ADIPOR2: variants seen among roughly 807,000 people sequenced by gnomAD.
The protein encoded by ADIPOR2 is adiponectin receptor 2, also known as adiponectin receptor protein 2.
ADIPOR2 carries 18 observed loss-of-function variants against 40.9 expected under a neutral mutation model. The ratio of observed to expected loss-of-function variants is 0.44; its 90% CI spans 0.30 to 0.65. The LOEUF is 0.65. ADIPOR2 is among the 30% of genes least tolerant of loss of function. The pLI is 0.09. For missense variants in ADIPOR2, 283 were observed against 479.2 expected (o/e 0.59, Z 3.82); for synonymous variants, 165 against 166.4 (o/e 0.99, Z 0.06).
intron 3 of ADIPOR2, among the ~76,000 whole-genome samples, chr12:1,775,194 G>A (rs1204803642): frequency 1.3e-5 from 2 of 152,312 alleles, no homozygotes; most frequent in East Asian, 3.9e-4. Flanking sequence ...ATACCCAGTG[G>A]ATTATTACTA....
At chr12:1,769,731 A>C (rs1862457844) in intron 2 of ADIPOR2, among the ~76,000 whole-genome samples, 1 of 152,076 alleles carries the variant, frequency 6.6e-6, no homozygotes, top group African/African-American at 2.4e-5. Flanking sequence ...TAGTAGAGAC[A>C]GGGTTTCACC....
intron 1 of ADIPOR2, among the ~76,000 whole-genome samples, chr12:1,692,834 C>G (rs1420003152): frequency 6.6e-6 from 1 of 152,012 alleles, no homozygotes; most frequent in Non-Finnish European, 1.5e-5. Flanking sequence ...CAGGCCCAGT[C>G]CTGCCAGTTG....
chr12:1,715,620 T>C (rs968590769), intron 1 of ADIPOR2, among the ~76,000 whole-genome samples: 16 of 152,150 alleles, frequency 1.1e-4, no homozygotes, highest in African/African-American at 3.9e-4. Flanking sequence ...TCTTTACCCC[T>C]ATCCAGCAGG....
intron 3 of ADIPOR2, among the ~76,000 whole-genome samples, chr12:1,774,812 C>G (rs1233222654): frequency 6.6e-6 from 1 of 152,258 alleles, no homozygotes; most frequent in African/African-American, 2.4e-5. Flanking sequence ...TCAAGTGATT[C>G]TCCTGCCTCA....
At chr12:1,719,172 T>C (rs1267726659) in intron 1 of ADIPOR2, among the ~76,000 whole-genome samples, 1 of 152,126 alleles carries the variant, frequency 6.6e-6, no homozygotes, top group Non-Finnish European at 1.5e-5. Flanking sequence ...TTTTTGAGAC[T>C]TTTCTACTCA....
At position 1,748,209 on chromosome 12, in the gene ADIPOR2, G is replaced by A. The variant is rs534517443; in HGVS notation, c.-86-6049G>A. Among the ~76,000 whole-genome samples the A allele has an allele frequency of 5.9e-5, 9 of 151,872 alleles. No individual in the cohort carries two copies. In the East Asian group the frequency reaches 1.5e-3, roughly 26 times the overall value. On this transcript the variant is annotated intron_variant, in intron 1 of 7. Coordinates refer to ENST00000357103, the MANE Select transcript of ADIPOR2 (RefSeq NM_024551.3). ...TACATCTCTTCATTGATCTCTATCT[G>A]AGGTGATATTGTCATTATGCTTTCC... is the stretch of plus-strand genomic sequence containing the variant.
intron 1 of ADIPOR2, among the ~76,000 whole-genome samples, chr12:1,703,440 T>C (rs1159832624): frequency 4.6e-5 from 7 of 152,102 alleles, no homozygotes; most frequent in African/African-American, 1.7e-4. Flanking sequence ...TAAAAAACAA[T>C]TTAAAAGAAA....
intron 1 of ADIPOR2, among the ~76,000 whole-genome samples, chr12:1,694,999 C>G (rs1316293037): frequency 2.1e-5 from 3 of 141,276 alleles, no homozygotes; most frequent in Non-Finnish European, 4.6e-5. Flanking sequence ...AGGGCTTATT[C>G]TTTGTGTTGC....
chr12:1,740,073 G>A (rs2094739314), intron 1 of ADIPOR2, among the ~76,000 whole-genome samples: 1 of 152,092 alleles, frequency 6.6e-6, no homozygotes, highest in Non-Finnish European at 1.5e-5. Context: ...TTGTACTCCA[G>A]CCTGGGCGAC....
At chr12:1,703,663 G>T (rs1298488449) in intron 1 of ADIPOR2, among the ~76,000 whole-genome samples, 3 of 151,996 alleles carry the variant, frequency 2.0e-5, no homozygotes, top group Non-Finnish European at 4.4e-5. Flanking sequence ...GCTGCAGTGA[G>T]CTGTGATTGA....
chr12:1,737,680 T>A (rs1164315174), intron 1 of ADIPOR2, among the ~76,000 whole-genome samples: 1 of 152,092 alleles, frequency 6.6e-6, no homozygotes, highest in Admixed American at 6.6e-5. Context: ...CCTCCTGGGT[T>A]CGAGCAATTC....
chr12:1,782,775 G>A (rs941487448), intron 6 of ADIPOR2, among the ~76,000 whole-genome samples: 2 of 152,078 alleles, frequency 1.3e-5, no homozygotes, highest in African/African-American at 4.8e-5. Flanking sequence ...CAGTAGGGCT[G>A]TGGCTGAGTG....
chr12:1,761,752 C>G (rs1047436869), intron 2 of ADIPOR2, among the ~76,000 whole-genome samples: 3 of 152,188 alleles, frequency 2.0e-5, no homozygotes, highest in African/African-American at 7.2e-5. Context: ...ATCTGTTCTG[C>G]CATTACTTTA....
chr12:1,759,095 A>AG (rs5795980), intron 2 of ADIPOR2, among the ~76,000 whole-genome samples: 148,316 of 152,294 alleles, frequency 0.97, 72,346 homozygotes, highest in East Asian at 1. Flanking sequence ...GTTTATATTG[A>AG]CCTAGAGGTT....
At chr12:1,758,256 C>G (rs1325421371) in intron 2 of ADIPOR2, among the ~76,000 whole-genome samples, 1 of 152,134 alleles carries the variant, frequency 6.6e-6, no homozygotes, top group East Asian at 1.9e-4. Context: ...ATTTATTGCC[C>G]TGAAAGCCTC....
intron 1 of ADIPOR2, among the ~76,000 whole-genome samples, chr12:1,704,844 C>A (rs2094658860): frequency 6.6e-6 from 1 of 151,922 alleles, no homozygotes. Context: ...TCTTTTTATT[C>A]CTTTTCTTTC....
intron 3 of ADIPOR2, among the ~76,000 whole-genome samples, chr12:1,773,773 A>G (rs556530904): frequency 2.8e-4 from 43 of 152,292 alleles, no homozygotes; most frequent in African/African-American, 6.7e-4. Context: ...CATGGCTTTT[A>G]TGAAACCAAA....
intron 2 of ADIPOR2, chr12:1,757,486 G>T: frequency 1.4e-6 from 1 of 740,580 alleles, no homozygotes; most frequent in South Asian, 1.5e-5. Flanking sequence ...ACCATGCATA[G>T]GTTACCATTG....
At chr12:1,742,373 G>C (rs1313052242) in intron 1 of ADIPOR2, among the ~76,000 whole-genome samples, 1 of 152,202 alleles carries the variant, frequency 6.6e-6, no homozygotes, top group Non-Finnish European at 1.5e-5. Context: ...GATTACAGGC[G>C]TGAGCCACTG....
Sources: gnomAD v4.1 joint callset for allele counts (sites outside exome capture counted in the v4.1 genomes callset) on GRCh38, gnomAD v4.1.1 for gene constraint, MANE v1.5 for transcripts, NCBI Gene and HGNC (gene_info 2026-07-23, HGNC 2026-07-21) for gene names.